MADD: variants seen among roughly 807,000 people sequenced by gnomAD.
The protein encoded by MADD is MAP kinase activating death domain, also known as MAP kinase-activating death domain protein.
In MADD, 109 loss-of-function variants were observed where a neutral mutation model predicts 176.7. That is an observed-to-expected ratio of 0.62 (90% CI 0.53 to 0.72). The LOEUF (loss-of-function observed/expected upper bound fraction) is 0.72, where lower values mean the gene tolerates loss of function less well. Among genes scored for constraint, MADD ranks in the 30% least tolerant of loss-of-function variants. MADD has a pLI of 0.00. For synonymous variants in MADD, 771 were observed against 771.3 expected, an observed-to-expected ratio of 1.00 and a Z score of 0.01; for missense variants, 1,914 against 2,045.5, an observed-to-expected ratio of 0.94 and a Z score of 1.24.
chr11:47,328,318 C>G, intron 31 of MADD: 1 of 1,208,724 alleles, frequency 8.3e-7, no homozygotes, highest in Non-Finnish European at 1.0e-6. Flanking sequence ...TGCAGCTCCT[C>G]AGGGGCCCTG....
chr11:47,290,460 A>G, intron 18 of MADD, 150 bp from the exon 20 acceptor site: 1 of 1,233,372 alleles, frequency 8.1e-7, no homozygotes, highest in South Asian at 1.5e-5. Context: ...CGCAGTGGGT[A>G]TTCTTTGTTA....
intron 26 of MADD, among the ~76,000 whole-genome samples, chr11:47,314,572 A>C (rs1311941719): frequency 3.9e-5 from 6 of 152,092 alleles, no homozygotes; most frequent in African/African-American, 1.4e-4. Context: ...ATGCCACTGC[A>C]CTCCAGCCTG....
At chr11:47,306,395 C>T (rs2082647439) in intron 22 of MADD, among the ~76,000 whole-genome samples, 1 of 152,224 alleles carries the variant, frequency 6.6e-6, no homozygotes, top group Admixed American at 6.5e-5. Flanking sequence ...TGGCATAGCA[C>T]AGTAGCTGCA....
Position 47,276,747 on chromosome 11 carries a change from C to T in MADD, c.979C>T (p.Arg327Ter), listed in dbSNP as rs147179561. ...CTCATGACAGGTGGTGCTACAGTCC[C>T]GAGACTACAATGCACTCTCCATGTC... The change falls in exon 5 of 33, where the codon CGA becomes TGA. Residue 327 changes from arginine to a stop codon, truncating the protein, a stop_gained. Transcript: ENST00000402192. LOFTEE classifies it high-confidence loss of function. 47 of 1,613,974 alleles carry T rather than the reference C, an allele frequency of 2.9e-5. No individual in the cohort carries two copies. Among genetic ancestry groups the T allele is most frequent in the Non-Finnish European group, 3.8e-5 (45 of 1,180,020 alleles).
intron 27 of MADD, among the ~76,000 whole-genome samples, chr11:47,320,197 C>T (rs2094188932): frequency 6.6e-6 from 1 of 151,796 alleles, no homozygotes; most frequent in Non-Finnish European, 1.5e-5. Flanking sequence ...TGGCTCACGC[C>T]TGTAATCCCA....
intron 12 of MADD, 43 bp downstream of exon 12, chr11:47,284,608 T>A (rs1231765206): frequency 1.3e-6 from 2 of 1,595,344 alleles, no homozygotes; most frequent in Non-Finnish European, 1.7e-6. Flanking sequence ...TGGCCTGGGA[T>A]GTGGGCCTCA....
chr11:47,290,031 G>C (rs138661202), exon 17 of MADD: 3 of 1,614,130 alleles, frequency 1.9e-6, no homozygotes, highest in Non-Finnish European at 2.5e-6. Context: ...GACGATGCCC[G>C]GCAGGACATC....
At chr11:47,308,955 G>A in intron 23 of MADD, 25 bp from the exon 26 acceptor site, 1 of 1,606,766 alleles carries the variant, frequency 6.2e-7, no homozygotes, top group Non-Finnish European at 8.5e-7. Flanking sequence ...TGCTACCATG[G>A]TCCTTCCTGC....
In MADD at chr11:47,311,814, A is replaced by G. The variant is rs372333972; in HGVS notation, c.4061A>G (p.Asn1354Ser). ...GGGCTTGTGTACAGCCAGCAAATCA[A>G]TGAGGTGCTTGATCAGCTGGCGAAC... Residue 1354 changes from asparagine to serine, a missense_variant, in exon 26 of 33, where the codon AAT (asparagine) becomes AGT (serine). This residue lies in a region of MADD where 1,767 missense variants were observed against 1,836.0 expected (regional missense o/e 0.96). Coordinates refer to ENST00000402192, the Ensembl canonical transcript of MADD. The G allele has an allele frequency of 1.1e-4, 181 of 1,613,704 alleles. No homozygotes were observed. Among genetic ancestry groups the G allele is most frequent in the East Asian group, 2.5e-4 (11 of 44,892 alleles).
In MADD at chr11:47,297,973, A is replaced by G. The variant is rs1359886396; in HGVS notation, c.3642+1918A>G. On this transcript the variant is annotated intron_variant, in intron 22 of 32. Coordinates refer to ENST00000402192, the Ensembl canonical transcript of MADD. ...CCGGCTAATTTTTTGTATTTTTAGG[A>G]GAGATGGGGTTTCACCGTGTTAGCC... is the stretch of plus-strand genomic sequence containing the variant. 8.4e-5 allele frequency among the ~76,000 whole-genome samples: 12 copies of G among 142,762 alleles called. No individual in the cohort carries two copies. In the East Asian group the frequency reaches 1.3e-3, roughly 16 times the overall value. 93.7% of individuals were successfully genotyped at this position (142,762 alleles called of 152,430 possible).
intron 12 of MADD, 35 bp from the exon 13 acceptor site, chr11:47,284,906 C>A (rs2059557622): frequency 6.2e-7 from 1 of 1,610,012 alleles, no homozygotes; most frequent in East Asian, 2.2e-5. Flanking sequence ...CCATTGGGCA[C>A]CAGGTAACCA....
intron 25 of MADD, among the ~76,000 whole-genome samples, chr11:47,309,897 A>C (rs568318883): frequency 1.0e-4 from 15 of 147,434 alleles, no homozygotes; most frequent in Non-Finnish European, 1.6e-4. Context: ...GCAGGAGTGC[A>C]GTGGCGCAAT....
exon 5 of MADD, chr11:47,276,764 C>G (rs1331942107): frequency 1.2e-6 from 2 of 1,614,086 alleles, no homozygotes; most frequent in Non-Finnish European, 1.7e-6. Flanking sequence ...ACAATGCACT[C>G]TCCATGTCTG....
At chr11:47,297,673 C>T (rs953500051) in intron 22 of MADD, among the ~76,000 whole-genome samples, 11 of 151,532 alleles carry the variant, frequency 7.3e-5, no homozygotes, top group African/African-American at 2.7e-4. Flanking sequence ...GTCTTGATCT[C>T]CTGACTTCGT....
At chr11:47,327,432 C>T (rs1187937674) in intron 31 of MADD, 26 of 985,284 alleles carry the variant, frequency 2.6e-5, no homozygotes, top group South Asian at 4.7e-5. Context: ...TGAAAACCTT[C>T]GTTCTCCAGC....
In MADD at chr11:47,324,466, C is replaced by A; in HGVS notation, c.4436-5C>A. On this transcript the variant is annotated splice_polypyrimidine_tract_variant and splice_region_variant and intron_variant, in intron 29 of 32. Transcript: ENST00000402192. ...GTGAGCTGATAGCCCCCTCCCTCAC[C>A]ACAGGACCTGAATTGGGTGGCGAGT... 6.2e-7 allele frequency: 1 copy of A among 1,612,380 alleles called. No individual in the cohort carries two copies. The highest frequency in any genetic ancestry group is 8.5e-7 in the Non-Finnish European group (1 of 1,178,526).
At position 47,274,510 on chromosome 11, in the gene MADD, T is replaced by C. The variant is rs908153241; in HGVS notation, c.63-53T>C. ...TTATTTGTTGACTGTGGTTAAAATT[T>C]GATAGCCCATTCCATCCCTTCAGGC... On this transcript the variant is annotated intron_variant, in intron 2 of 32. Coordinates refer to ENST00000402192, the Ensembl canonical transcript of MADD. 273 of 1,404,624 alleles carry C rather than the reference T, an allele frequency of 1.9e-4. 3 individuals are homozygous for C. Among genetic ancestry groups the C allele is most frequent in the Non-Finnish European group, 2.4e-4 (242 of 1,011,344 alleles). The allele number at this position is 1,404,624 out of a possible 1,614,324, so 87.0% of individuals were successfully genotyped here.
exon 8 of MADD, chr11:47,281,652 T>A: frequency 2.5e-6 from 4 of 1,613,534 alleles, no homozygotes; most frequent in Non-Finnish European, 3.4e-6. Flanking sequence ...AGATCCCCCT[T>A]CTCTTGGGAA....
At chr11:47,323,829 T>G (rs762837066) in exon 28 of MADD, 30 of 1,613,898 alleles carry the variant, frequency 1.9e-5, no homozygotes, top group Non-Finnish European at 1.9e-5. Context: ...AGTTCTATAC[T>G]AAAAAGGTAC....
Sources: gnomAD v4.1 joint callset for allele counts (sites outside exome capture counted in the v4.1 genomes callset) on GRCh38, gnomAD v4.1.1 for gene constraint, gnomAD v4.1.1 regional missense constraint, MANE v1.5 for transcripts, NCBI Gene and HGNC (gene_info 2026-07-23, HGNC 2026-07-21) for gene names.